FBLN1: variants seen among roughly 807,000 people sequenced by gnomAD.
FBLN1 encodes the protein fibulin 1, also known as fibulin-1.
A neutral mutation model predicts 89.7 loss-of-function variants in FBLN1; 34 were observed. The ratio of observed to expected loss-of-function variants is 0.38; its 90% CI spans 0.29 to 0.50. The LOEUF (loss-of-function observed/expected upper bound fraction) is 0.50. Ranked by LOEUF, FBLN1 falls within the 20% of genes least tolerant of loss-of-function variation. The pLI is 0.92. For synonymous variants in FBLN1, 393 were observed against 391.3 expected (o/e 1.00, Z -0.05); for missense variants, 777 against 988.1 (o/e 0.79, Z 2.86).
chr22:45,576,845 T>C lies in FBLN1; in HGVS notation c.1841-132T>C, dbSNP rs556685284. On this transcript the variant is annotated intron_variant, in intron 15 of 16. Transcript: ENST00000327858. The surrounding 1 kb of genome is among the most constrained non-coding windows in gnomAD (Gnocchi z 5.2). Reference sequence around the variant, plus strand: ...CTCCCCACACAGGGGATCTCTGGCTTCATTGATGTTGTCTCATGAAAGGGC... The same window carrying C: ...CTCCCCACACAGGGGATCTCTGGCTCCATTGATGTTGTCTCATGAAAGGGC... 3.8e-6 allele frequency: 4 copies of C among 1,045,998 alleles called. No individual in the cohort carries two copies. The highest frequency in any genetic ancestry group is 2.7e-5 in the South Asian group (2 of 74,652). The allele number at this position is 1,045,998 out of a possible 1,614,324, so 64.8% of individuals were successfully genotyped here. A position where few individuals can be genotyped will look rare whatever the true frequency, so the allele number is the denominator to read the frequency against.
rs73890693 is a variant in FBLN1, at chr22:45,568,822, C to T, written c.1698-5689C>T. ...GCCTCTTCTGTAGGGGAATGCTCCT[C>T]CTGTAAGGGAATGCCTCTTCTGTGG... On this transcript the variant is annotated intron_variant, in intron 14 of 16. Transcript: ENST00000327858. Among the ~76,000 whole-genome samples, 59 of 79,538 alleles carry T rather than the reference C, an allele frequency of 7.4e-4. 13 individuals are homozygous for T. The highest frequency in any genetic ancestry group is 3.3e-3 in the African/African-American group (47 of 14,430). The allele number at this position is 79,538 out of a possible 152,430, so 52.2% of individuals were successfully genotyped here.
intron 1 of FBLN1, among the ~76,000 whole-genome samples, chr22:45,510,361 G>C (rs1197609828): frequency 6.6e-6 from 1 of 152,112 alleles, no homozygotes; most frequent in Non-Finnish European, 1.5e-5. Flanking sequence ...ACACAGGGTG[G>C]GATTGGGGAA....
At chr22:45,592,181 C>A (rs2146664974) in intron 16 of FBLN1, among the ~76,000 whole-genome samples, 1 of 152,296 alleles carries the variant, frequency 6.6e-6, no homozygotes, top group South Asian at 2.1e-4. Context: ...CGTGTCTCAT[C>A]CCTAACTGCG....
chr22:45,558,022 G>T (rs1455008416), intron 14 of FBLN1: 2 of 714,280 alleles, frequency 2.8e-6, no homozygotes, highest in Non-Finnish European at 5.2e-6. Context: ...CCTGCATATC[G>T]TGCAGAATGA....
In FBLN1 at chr22:45,549,836, T is replaced by C. The variant is rs534596692; in HGVS notation, c.1574-656T>C. On this transcript the variant is annotated intron_variant, in intron 13 of 16. Transcript: ENST00000327858. The surrounding 1 kb of genome is among the most constrained non-coding windows in gnomAD (Gnocchi z 5.7). ...TCTCAGTGTGGTGCCCCAGGCCCCA[T>C]CCCAGGAGTCCCAGACCTGGTGGTT... is the stretch of plus-strand genomic sequence containing the variant. Among the ~76,000 whole-genome samples the C allele has an allele frequency of 8.9e-4, 136 of 152,218 alleles. No individual in the cohort carries two copies. Among genetic ancestry groups the C allele is most frequent in the Admixed American group, 1.6e-3 (25 of 15,296 alleles).
Position 45,562,767 on chromosome 22 carries a change from G to C in FBLN1, c.1698-11744G>C, listed in dbSNP as rs1289769837. 8 of 811,080 alleles carry C rather than the reference G, an allele frequency of 9.9e-6. No homozygotes were observed. In the Admixed American group the frequency reaches 1.2e-4, roughly 12 times the overall value. The allele number at this position is 811,080 out of a possible 1,614,324, so 50.2% of individuals were successfully genotyped here. ...CACGGCGCCTCCCGCAGGTGAGTGA[G>C]GTGTGCCCTTCGTGTTGGCTGAATC... On this transcript the variant is annotated intron_variant, in intron 14 of 16. Coordinates refer to ENST00000327858, the MANE Select transcript of FBLN1 (RefSeq NM_006486.3). The surrounding 1 kb of genome is among the most constrained non-coding windows in gnomAD (Gnocchi z 7.8).
chr22:45,524,553 C>T (rs1009282665), intron 2 of FBLN1, among the ~76,000 whole-genome samples: 3 of 152,190 alleles, frequency 2.0e-5, no homozygotes, highest in African/African-American at 7.2e-5. Flanking sequence ...ACAGGACTCT[C>T]AGAAGCTGTT....
At position 45,537,032 on chromosome 22, in the gene FBLN1, C is replaced by G. The variant is rs1418085826; in HGVS notation, c.922+1695C>G. The stretch of plus-strand genomic sequence containing the variant: ...GCGCTTAAGTCCTGATCCACCGGCT[C>G]TCCCTCGGCCTCTGCTTGGCAGACG... On this transcript the variant is annotated intron_variant, in intron 8 of 16. Transcript: ENST00000327858. This position sits in a 1 kb window ranked among gnomAD's most constrained non-coding sequence, Gnocchi z 5.7. Among the ~76,000 whole-genome samples, 1 of 152,186 alleles carries G rather than the reference C, an allele frequency of 6.6e-6. No individual in the cohort carries two copies. Among genetic ancestry groups the G allele is most frequent in the African/African-American group, 2.4e-5 (1 of 41,452 alleles).
At position 45,503,185 on chromosome 22, in the gene FBLN1, C is replaced by G. The variant is rs188030970; in HGVS notation, c.79+121C>G. On this transcript the variant is annotated intron_variant, in intron 1 of 16. Transcript: ENST00000327858. ...CGTGCGTTGCCCTGCGCGGCGCCCCCGGACTGTCAGCGCCGAGGCCTCGGC... is the reference window on the plus strand; with the variant it reads ...CGTGCGTTGCCCTGCGCGGCGCCCCGGGACTGTCAGCGCCGAGGCCTCGGC... 20 of 386,886 alleles carry G rather than the reference C, an allele frequency of 5.2e-5. No individual in the cohort carries two copies. The East Asian group carries it at 5.2e-4, about 10-fold the overall frequency. The allele number at this position is 386,886 out of a possible 1,614,324, so 24.0% of individuals were successfully genotyped here. A position where few individuals can be genotyped will look rare whatever the true frequency, so the allele number is the denominator to read the frequency against.
chr22:45,563,056 G>A lies in FBLN1; in HGVS notation c.1698-11455G>A. 3 of 1,613,414 alleles carry A rather than the reference G, an allele frequency of 1.9e-6. No homozygotes were observed. The highest frequency in any genetic ancestry group is 1.3e-5 in the African/African-American group (1 of 74,980). On this transcript the variant is annotated intron_variant, in intron 14 of 16. Transcript: ENST00000327858. This position sits in a 1 kb window ranked among gnomAD's most constrained non-coding sequence, Gnocchi z 5.7. ...TGGGCCCCTCCAGTGCTGTCCCCGG[G>A]GACAGCATGCAGCTGGCCATCACCG...
rs999945644 is a variant in FBLN1, at chr22:45,531,449, G to A, written c.544+125G>A. On this transcript the variant is annotated intron_variant, in intron 5 of 16. Transcript: ENST00000327858. This position sits in a 1 kb window ranked among gnomAD's most constrained non-coding sequence, Gnocchi z 4.9. Reference sequence around the variant, plus strand: ...GCAGGAGGATTCCTTGAGCCCAGGAGGTTGTGGCTGCAGTGAGCTATGACT... The same window carrying A: ...GCAGGAGGATTCCTTGAGCCCAGGAAGTTGTGGCTGCAGTGAGCTATGACT... The A allele has an allele frequency of 6.1e-6, 5 of 813,530 alleles. No homozygotes were observed. The highest frequency in any genetic ancestry group is 1.1e-5 in the Non-Finnish European group (5 of 474,990). The allele number at this position is 813,530 out of a possible 1,614,324, so 50.4% of individuals were successfully genotyped here. A position where few individuals can be genotyped will look rare whatever the true frequency, so the allele number is the denominator to read the frequency against.
In FBLN1 at chr22:45,569,495, C is replaced by T. The variant is rs1044456702; in HGVS notation, c.1698-5016C>T. ...CTCTACTAAGAATACAAAAATTAGC[C>T]GGGTGTGGTGGCATGTGCCTGTAAT... On this transcript the variant is annotated intron_variant, in intron 14 of 16. Coordinates refer to ENST00000327858, the MANE Select transcript of FBLN1 (RefSeq NM_006486.3). Among the ~76,000 whole-genome samples, 9 of 152,044 alleles carry T rather than the reference C, an allele frequency of 5.9e-5. No individual in the cohort carries two copies. In the South Asian group the frequency reaches 8.3e-4, roughly 14 times the overall value.
At chr22:45,548,566 G>A (rs1237317419) in intron 12 of FBLN1, 47 bp from the exon 13 acceptor site, 1 of 1,611,654 alleles carries the variant, frequency 6.2e-7, no homozygotes, top group Non-Finnish European at 8.5e-7. Context: ...CAGCAGCCAT[G>A]GCCAGGTGCC....
Position 45,596,463 on chromosome 22 carries a change from A to G in FBLN1, c.1973-3844A>G, listed in dbSNP as rs368200319. 3.9e-5 allele frequency among the ~76,000 whole-genome samples: 6 copies of G among 152,256 alleles called. No individual in the cohort carries two copies. In the East Asian group the frequency reaches 7.7e-4, roughly 20 times the overall value. On this transcript the variant is annotated intron_variant, in intron 16 of 16. Coordinates refer to ENST00000327858, the MANE Select transcript of FBLN1 (RefSeq NM_006486.3). ...CGTAGCATGCGCAGACCCTCTGTGC[A>G]TTGGAACTGTTGATAATATTAATGG...
intron 16 of FBLN1, among the ~76,000 whole-genome samples, chr22:45,596,580 A>G (rs1431759896): frequency 4.0e-5 from 6 of 149,830 alleles, no homozygotes; most frequent in Non-Finnish European, 8.9e-5. Flanking sequence ...TTATATATAC[A>G]TATATCAACA....
At chr22:45,543,552 C>T (rs372500771) in intron 11 of FBLN1, 26 bp downstream of exon 11, 9 of 1,610,204 alleles carry the variant, frequency 5.6e-6, no homozygotes, top group African/African-American at 5.3e-5. Flanking sequence ...CGTCCACTCA[C>T]CTCCCCCAGG....
In FBLN1 at chr22:45,549,328, A is replaced by G. The variant is rs1343618101; in HGVS notation, c.1573+584A>G. Among the ~76,000 whole-genome samples, 1 of 152,186 alleles carries G rather than the reference A, an allele frequency of 6.6e-6. No individual in the cohort carries two copies. Among genetic ancestry groups the G allele is most frequent in the Non-Finnish European group, 1.5e-5 (1 of 68,024 alleles). On this transcript the variant is annotated intron_variant, in intron 13 of 16. Transcript: ENST00000327858. The surrounding 1 kb of genome is among the most constrained non-coding windows in gnomAD (Gnocchi z 5.7). ...TGTGAGCGCGTGATCCTCAGTGTACACACTGCGCCCAGAAGCTGAGTCATG... is the reference window on the plus strand; with the variant it reads ...TGTGAGCGCGTGATCCTCAGTGTACGCACTGCGCCCAGAAGCTGAGTCATG...
rs1328141455 is a variant in FBLN1 at position 45,579,446 on chromosome 22, A to C, written c.1972+2338A>C. Among the ~76,000 whole-genome samples the C allele has an allele frequency of 6.6e-6, 1 of 152,206 alleles. No homozygotes were observed. The highest frequency in any genetic ancestry group is 2.4e-5 in the African/African-American group (1 of 41,464). On this transcript the variant is annotated intron_variant, in intron 16 of 16. Coordinates refer to ENST00000327858, the MANE Select transcript of FBLN1 (RefSeq NM_006486.3). This position sits in a 1 kb window ranked among gnomAD's most constrained non-coding sequence, Gnocchi z 5.5. Reference sequence around the variant, plus strand: ...GGGAACGGAATGTGGATGAGGCCACAAGGACCCAGCGGCTTCCCCCGGCAC... The same window carrying C: ...GGGAACGGAATGTGGATGAGGCCACCAGGACCCAGCGGCTTCCCCCGGCAC...
In FBLN1 at chr22:45,563,194, G is replaced by A; in HGVS notation, c.1698-11317G>A. ...GGGACTTGCTCCTGACCGTCAAGAT[G>A]GATCTCTCTCGCCACGGCACCGTCA... On this transcript the variant is annotated intron_variant, in intron 14 of 16. Transcript: ENST00000327858. This position sits in a 1 kb window ranked among gnomAD's most constrained non-coding sequence, Gnocchi z 5.7. 1 of 1,613,750 alleles carries A rather than the reference G, an allele frequency of 6.2e-7. No homozygotes were observed. The highest frequency in any genetic ancestry group is 8.5e-7 in the Non-Finnish European group (1 of 1,180,024).
Sources: gnomAD v4.1 joint callset for allele counts (sites outside exome capture counted in the v4.1 genomes callset) on GRCh38, gnomAD v4.1.1 for gene constraint, Gnocchi (gnomAD v3.1) non-coding constraint, MANE v1.5 for transcripts, NCBI Gene and HGNC (gene_info 2026-07-23, HGNC 2026-07-21) for gene names.